Variants in LRMDA observed in about 807,000 individuals in gnomAD.
LRMDA encodes the protein leucine-rich melanocyte differentiation-associated protein.
In LRMDA, 18 loss-of-function variants were observed where a neutral mutation model predicts 29.8. The ratio of observed to expected loss-of-function variants is 0.60; its 90% confidence interval spans 0.42 to 0.90. LRMDA has a LOEUF of 0.90. Ranked by LOEUF, LRMDA falls within the 40% of genes least tolerant of loss-of-function variation. LRMDA has a pLI of 0.00. For synonymous variants in LRMDA, 125 were observed against 109.4 expected, an observed-to-expected ratio of 1.14 and a Z score of -0.89; for missense variants, 273 against 273.9, an observed-to-expected ratio of 1.00 and a Z score of 0.02.
intron 6 of LRMDA, among the ~76,000 whole-genome samples, chr10:76,448,343 A>G (rs1272999168): frequency 6.6e-6 from 1 of 152,194 alleles, no homozygotes; most frequent in South Asian, 2.1e-4. Flanking sequence ...TACTATAAAA[A>G]CATAAATCAT....
At chr10:76,078,053 C>CTGT (rs1848989457) in intron 5 of LRMDA, among the ~76,000 whole-genome samples, 3 of 120,738 alleles carry the variant, frequency 2.5e-5, no homozygotes, top group African/African-American at 6.5e-5. Flanking sequence ...CTCTGTCGCC[C>CTGT]AGGCTGTATT....
At chr10:76,322,838 C>G (rs1485788882) in intron 5 of LRMDA, among the ~76,000 whole-genome samples, 2 of 152,158 alleles carry the variant, frequency 1.3e-5, no homozygotes, top group Non-Finnish European at 2.9e-5. Flanking sequence ...CCTGTACCCT[C>G]ACCCCATATG....
At chr10:75,980,251 C>T in intron 2 of LRMDA, among the ~76,000 whole-genome samples, 1 of 152,098 alleles carries the variant, frequency 6.6e-6, no homozygotes. Context: ...ATCATAGGAT[C>T]CTGACAAAAA....
intron 6 of LRMDA, among the ~76,000 whole-genome samples, chr10:76,416,920 T>C (rs1310191844): frequency 1.3e-5 from 2 of 152,200 alleles, no homozygotes; most frequent in Non-Finnish European, 2.9e-5. Context: ...TTTTAACTGT[T>C]ATGGATGTAT....
At chr10:76,421,038 A>G (rs1306730726) in intron 6 of LRMDA, among the ~76,000 whole-genome samples, 2 of 152,136 alleles carry the variant, frequency 1.3e-5, no homozygotes, top group Non-Finnish European at 2.9e-5. Flanking sequence ...CGTATGATCA[A>G]GTTTGAAGAT....
At chr10:75,506,006 A>G (rs562785688) in intron 2 of LRMDA, among the ~76,000 whole-genome samples, 32 of 152,204 alleles carry the variant, frequency 2.1e-4, no homozygotes, top group Non-Finnish European at 4.0e-4. Flanking sequence ...TATTAGTTTC[A>G]TAGTGAGAAA....
intron 5 of LRMDA, among the ~76,000 whole-genome samples, chr10:76,254,300 T>TATACTATACTATACTATACC (rs66939986): frequency 1.1e-5 from 1 of 90,626 alleles, no homozygotes; most frequent in African/African-American, 4.0e-5. Flanking sequence ...TATACTATAC[T>TATACTATACTATACTATACC]ATACCATACC....
At chr10:75,787,104 T>G (rs983246886) in intron 2 of LRMDA, among the ~76,000 whole-genome samples, 1 of 152,228 alleles carries the variant, frequency 6.6e-6, no homozygotes, top group African/African-American at 2.4e-5. Flanking sequence ...GATAGTACAT[T>G]GGGGTCTATA....
intron 6 of LRMDA, among the ~76,000 whole-genome samples, chr10:76,479,242 T>A (rs1842711996): frequency 6.6e-6 from 1 of 151,930 alleles, no homozygotes; most frequent in Non-Finnish European, 1.5e-5. Flanking sequence ...TTTCTTATCT[T>A]ATGATAATGT....
chr10:76,423,035 C>T (rs1344147793), intron 6 of LRMDA, among the ~76,000 whole-genome samples: 2 of 152,190 alleles, frequency 1.3e-5, no homozygotes, highest in Non-Finnish European at 2.9e-5. Flanking sequence ...GGTCAAGATG[C>T]AAAAGACGTG....
intron 2 of LRMDA, among the ~76,000 whole-genome samples, chr10:76,024,919 G>A (rs1021724593): frequency 2.0e-5 from 3 of 152,200 alleles, no homozygotes; most frequent in African/African-American, 4.8e-5. Flanking sequence ...GGCTGTGGGC[G>A]CCTCCCCCAC....
At chr10:76,188,260 A>G (rs796277155) in intron 5 of LRMDA, among the ~76,000 whole-genome samples, 4 of 152,334 alleles carry the variant, frequency 2.6e-5, no homozygotes, top group Admixed American at 1.3e-4. Context: ...GGCTGGGATT[A>G]TGATAGCACT....
At chr10:76,082,994 C>T (rs192764573) in intron 5 of LRMDA, among the ~76,000 whole-genome samples, 33 of 152,256 alleles carry the variant, frequency 2.2e-4, no homozygotes, top group African/African-American at 7.7e-4. Flanking sequence ...GAGTACTGAG[C>T]AACAATTAGA....
intron 5 of LRMDA, among the ~76,000 whole-genome samples, chr10:76,158,901 A>G (rs1424560017): frequency 3.3e-5 from 5 of 152,202 alleles, no homozygotes. Flanking sequence ...GAAAAATTTG[A>G]AGCAAAATAA....
chr10:75,785,026 C>T (rs1843448567), intron 2 of LRMDA, among the ~76,000 whole-genome samples: 1 of 152,210 alleles, frequency 6.6e-6, no homozygotes, highest in Non-Finnish European at 1.5e-5. Context: ...AAGTCCACGT[C>T]AATCGCTGCT....
intron 2 of LRMDA, among the ~76,000 whole-genome samples, chr10:76,024,100 CTGTGTG>C (rs1848021944): frequency 6.6e-6 from 1 of 152,176 alleles, no homozygotes; most frequent in African/African-American, 2.4e-5. Flanking sequence ...TGGTCTTATG[CTGTGTG>C]TTTACCAACT....
rs1564536261 is a variant in LRMDA at position 75,672,527 on chromosome 10, TCCCC to T, written c.131+234034_131+234037del. 8.6e-3 allele frequency among the ~76,000 whole-genome samples: 40 copies of T among 4,658 alleles called. 8 individuals carry two copies. The highest frequency in any genetic ancestry group is 0.012 in the Non-Finnish European group (23 of 1,892). The allele number at this position is 4,658 out of a possible 152,430, so 3.1% of individuals were successfully genotyped here. On this transcript the variant is annotated intron_variant, in intron 2 of 6. Coordinates refer to ENST00000611255, the MANE Select transcript of LRMDA (RefSeq NM_001305581.2). The stretch of plus-strand genomic sequence containing the variant: ...TCCTTGTATTTTTCTTTTCTTTTCC[TCCCC>T]TCCCCTCCCCTCCCCTCCCCTCCCC...
At chr10:75,600,702 G>T (rs547728075) in intron 2 of LRMDA, among the ~76,000 whole-genome samples, 1 of 152,302 alleles carries the variant, frequency 6.6e-6, no homozygotes, top group South Asian at 2.1e-4. Flanking sequence ...GCCATGCCAT[G>T]CATGTGACCA....
chr10:75,911,383 T>G (rs1845841053), intron 2 of LRMDA, among the ~76,000 whole-genome samples: 1 of 152,172 alleles, frequency 6.6e-6, no homozygotes, highest in Non-Finnish European at 1.5e-5. Context: ...TCCCAGTTCC[T>G]GGGCACAGAC....
Sources: allele counts gnomAD v4.1 joint callset (sites outside exome capture counted in the v4.1 genomes callset), GRCh38; gene constraint gnomAD v4.1.1; transcripts MANE v1.5; gene names NCBI Gene and HGNC (gene_info 2026-07-23, HGNC 2026-07-21).